Variants in VWF observed in about 807,000 individuals in gnomAD.
VWF encodes Factor VIII related antigen.
VWF carries 176 observed loss-of-function variants against 308.6 expected under a neutral mutation model. The observed-to-expected ratio is 0.57, with a 90% CI of 0.50 to 0.65. The LOEUF is 0.65. VWF is among the 30% of genes least tolerant of loss of function. VWF has a pLI of 0.00. For missense variants in VWF, 3,146 were observed against 3,648.2 expected (o/e 0.86, Z 3.55); for synonymous variants, 1,385 against 1,443.4 (o/e 0.96, Z 0.92).
intron 5 of VWF, among the ~76,000 whole-genome samples, chr12:6,103,867 TCTGA>T (rs976374027): frequency 3.9e-5 from 6 of 152,096 alleles, no homozygotes; most frequent in African/African-American, 1.4e-4. Context: ...GCAAGGAATT[TCTGA>T]CTAAGACTTC....
intron 14 of VWF, 123 bp from the exon 15 acceptor site, chr12:6,057,195 GA>G: frequency 1.1e-6 from 1 of 885,882 alleles, no homozygotes; most frequent in Non-Finnish European, 1.7e-6. Context: ...GTCACGCAGA[GA>G]AATCTGCAAA....
chr12:6,069,268 C>T lies in VWF; in HGVS notation c.1156+2029G>A, dbSNP rs189600020. ...GAAACTGAAGCATAGAGAAGTTCAA[C>T]TCATCCAAGTTCCCAAAGAAACTGA... is the stretch of plus-strand genomic sequence containing the variant. On this transcript the variant is annotated intron_variant, in intron 10 of 51. Transcript: ENST00000261405. Among the ~76,000 whole-genome samples the T allele has an allele frequency of 1.9e-3, 296 of 152,278 alleles. 1 individual carries two copies. The highest frequency in any genetic ancestry group is 6.6e-3 in the African/African-American group (273 of 41,552).
intron 34 of VWF, among the ~76,000 whole-genome samples, chr12:6,000,383 T>A (rs1236517275): frequency 6.6e-6 from 1 of 152,178 alleles, no homozygotes; most frequent in Non-Finnish European, 1.5e-5. Context: ...TTTCAGAAAT[T>A]TAGTGAAAGA....
At position 6,016,571 on chromosome 12, in the gene VWF, G is replaced by T; in HGVS notation, c.5256C>A (p.Ala1752=). The T allele has an allele frequency of 1.2e-6, 2 of 1,614,186 alleles. No homozygotes were observed. The highest frequency in any genetic ancestry group is 8.5e-7 in the Non-Finnish European group (1 of 1,180,034). ...DVPWNVVPEK[A]HLLSLVDVMQ... ...TGACGTCCACAAGGCTCAGCAAATGGGCTTTCTCCGGGACCACGTTCCATG... is the reference window on the plus strand; with the variant it reads ...TGACGTCCACAAGGCTCAGCAAATGTGCTTTCTCCGGGACCACGTTCCATG... The change falls in exon 30 of 52, where the codon GCC becomes GCA. Residue 1752 remains alanine, a synonymous_variant. Transcript: ENST00000261405.
rs778046417 is a variant in VWF at position 5,994,455 on chromosome 12, G to A, written c.6216C>T (p.Leu2072=). Residue 2072 remains leucine (L), a synonymous_variant, in exon 36 of 52, where the codon CTC becomes CTT. Coordinates refer to ENST00000261405, the MANE Select transcript of VWF (RefSeq NM_000552.5). The part of the protein sequence containing the change: ...TPQNNEFQLQ[L]SPKTFASKTY... ...TCTTTGAAGCAAAAGTCTTGGGGCT[G>A]AGCTGCAGTTGGAACTCATTGTTTT... The A allele has an allele frequency of 6.2e-7, 1 of 1,614,180 alleles. No individual in the cohort carries two copies. The highest frequency in any genetic ancestry group is 1.1e-5 in the South Asian group (1 of 91,080).
chr12:5,998,465 C>CAAAAAAAAAA (rs1179417103), intron 34 of VWF, among the ~76,000 whole-genome samples: 3 of 54,586 alleles, frequency 5.5e-5, no homozygotes, highest in African/African-American at 8.0e-5. Context: ...GAGACTCCGT[C>CAAAAAAAAAA]AAAAAAAAAA....
At chr12:5,974,398 T>G (rs1159993) in intron 43 of VWF, among the ~76,000 whole-genome samples, 4,931 of 152,210 alleles carry the variant, frequency 0.032, 294 homozygotes, top group East Asian at 0.28. Flanking sequence ...TGGTTCCTCC[T>G]CCACTCCTGC....
intron 43 of VWF, among the ~76,000 whole-genome samples, chr12:5,974,492 C>T (rs1337966644): frequency 6.6e-6 from 1 of 152,158 alleles, no homozygotes; most frequent in African/African-American, 2.4e-5. Context: ...CCTGCAGCTC[C>T]CCCAATAGTT....
rs755184586 is a variant in VWF at position 6,075,600 on chromosome 12, T to C, written c.658-49A>G. On this transcript the variant is annotated intron_variant, in intron 6 of 51. Coordinates refer to ENST00000261405, the MANE Select transcript of VWF (RefSeq NM_000552.5). The surrounding 1 kb of genome is among the most constrained non-coding windows in gnomAD (Gnocchi z 4.7). ...GCGGTATGCTCCGTTAGTGTCTCCC[T>C]GAGTGTGGCACTGAGACTTAGCCCT... is the stretch of plus-strand genomic sequence containing the variant. 68 of 1,577,126 alleles carry C rather than the reference T, an allele frequency of 4.3e-5. No homozygotes were observed. The highest frequency in any genetic ancestry group is 5.5e-5 in the Non-Finnish European group (64 of 1,159,740).
intron 35 of VWF, 58 bp from the exon 36 acceptor site, chr12:5,994,665 T>C: frequency 3.2e-6 from 5 of 1,554,504 alleles, no homozygotes; most frequent in Non-Finnish European, 4.4e-6. Flanking sequence ...CCTAGGTTTT[T>C]AGGGAAGTTA....
At chr12:6,048,795 C>T (rs1268503030) in intron 16 of VWF, among the ~76,000 whole-genome samples, 2 of 152,222 alleles carry the variant, frequency 1.3e-5, no homozygotes, top group Non-Finnish European at 2.9e-5. Flanking sequence ...TTTAATGCAG[C>T]TGCTGTTCAA....
chr12:6,035,003 T>G lies in VWF; in HGVS notation c.2547-177A>C, dbSNP rs669667. Among the ~76,000 whole-genome samples the G allele has an allele frequency of 0.91, 138,757 of 151,940 alleles. 63,482 individuals carry two copies. Among genetic ancestry groups the G allele is most frequent in the African/African-American group, 0.94 (38,936 of 41,458 alleles). Reference sequence around the variant, plus strand: ...TGTGGACTTCATAGGCCCAGTATGGTGCCCAGCAGGAGACAGGGAAGCCTA... The same window carrying G: ...TGTGGACTTCATAGGCCCAGTATGGGGCCCAGCAGGAGACAGGGAAGCCTA... On this transcript the variant is annotated intron_variant, in intron 19 of 51. Coordinates refer to ENST00000261405, the MANE Select transcript of VWF (RefSeq NM_000552.5).
chr12:6,036,510 A>G lies in VWF; in HGVS notation c.2443-19T>C. ...GCCGGACCTAAGAGAAAAGAATCCA[A>G]AAGTCCTCAGGGCCACAGTGACTGA... On this transcript the variant is annotated intron_variant, in intron 18 of 51. Transcript: ENST00000261405. 4 of 1,612,346 alleles carry G rather than the reference A, an allele frequency of 2.5e-6. No homozygotes were observed. Among genetic ancestry groups the G allele is most frequent in the Non-Finnish European group, 3.4e-6 (4 of 1,178,468 alleles).
intron 42 of VWF, among the ~76,000 whole-genome samples, chr12:5,976,979 T>C (rs1943540973): frequency 6.6e-6 from 1 of 152,254 alleles, no homozygotes; most frequent in East Asian, 1.9e-4. Context: ...ATCCCAAGTA[T>C]GCCCTCCAAA....
intron 18 of VWF, among the ~76,000 whole-genome samples, chr12:6,040,447 G>T (rs768155643): frequency 6.6e-6 from 1 of 152,106 alleles, no homozygotes; most frequent in Non-Finnish European, 1.5e-5. Context: ...CGAACTTACT[G>T]TAATAGTTAG....
intron 50 of VWF, among the ~76,000 whole-genome samples, chr12:5,951,343 C>T (rs1471812695): frequency 6.6e-6 from 1 of 152,156 alleles, no homozygotes; most frequent in Non-Finnish European, 1.5e-5. Flanking sequence ...GCCCCCACAG[C>T]ACATGTGGGC....
chr12:6,011,642 G>C lies in VWF; in HGVS notation c.5817C>G (p.Thr1939=). ...AGGGGCAGGTCCAGCGGCAGCCACAGGTCTCTTCCACTTTAACAGGGGACT... is the reference window on the plus strand; with the variant it reads ...AGGGGCAGGTCCAGCGGCAGCCACACGTCTCTTCCACTTTAACAGGGGACT... ...NSQSPVKVEE[T]CGCRWTCPCV... Residue 1939 remains threonine (T), a synonymous_variant, in exon 34 of 52, where the codon ACC becomes ACG. Transcript: ENST00000261405. 6.2e-7 allele frequency: 1 copy of C among 1,612,264 alleles called. No individual in the cohort carries two copies. Among genetic ancestry groups the C allele is most frequent in the South Asian group, 1.1e-5 (1 of 90,692 alleles).
At chr12:6,092,348 T>C (rs1242170548) in intron 6 of VWF, among the ~76,000 whole-genome samples, 2 of 151,768 alleles carry the variant, frequency 1.3e-5, no homozygotes, top group Non-Finnish European at 2.9e-5. Context: ...TTGCGGGTTT[T>C]TTTTTTTCTT....
At chr12:6,120,974 A>G (rs1945424272) in intron 3 of VWF, among the ~76,000 whole-genome samples, 200 bp downstream of exon 3, 1 of 152,210 alleles carries the variant, frequency 6.6e-6, no homozygotes, top group African/African-American at 2.4e-5. Flanking sequence ...CTCTTCATCC[A>G]TCCCACCCGG....
Sources: allele counts gnomAD v4.1 joint callset (sites outside exome capture counted in the v4.1 genomes callset), GRCh38; gene constraint gnomAD v4.1.1; non-coding constraint Gnocchi (gnomAD v3.1); transcripts MANE v1.5; gene names NCBI Gene and HGNC (gene_info 2026-07-23, HGNC 2026-07-21).